Variants in SORCS1 observed in about 807,000 individuals in gnomAD.
The protein encoded by SORCS1 is sortilin related VPS10 domain containing receptor 1, also known as VPS10 domain-containing receptor SorCS1.
SORCS1 carries 60 observed loss-of-function variants against 146.1 expected under a neutral mutation model. That is an observed-to-expected ratio of 0.41 (90% CI 0.33 to 0.51). The LOEUF (loss-of-function observed/expected upper bound fraction) is 0.51, where lower values mean the gene tolerates loss of function less well. Among genes scored for constraint, SORCS1 ranks in the 20% least tolerant of loss-of-function variants. SORCS1 has a pLI of 0.21. For synonymous variants in SORCS1, 637 were observed against 584.0 expected (o/e 1.09, Z -1.31); for missense variants, 1,352 against 1,487.6 (o/e 0.91, Z 1.50).
intron 1 of SORCS1, among the ~76,000 whole-genome samples, chr10:107,055,317 G>A (rs1327413771): frequency 6.6e-6 from 1 of 152,184 alleles, no homozygotes; most frequent in African/African-American, 2.4e-5. Flanking sequence ...AAGAGAAGCA[G>A]AGATCTGGCA....
In SORCS1 at chr10:106,764,118, C is replaced by G. The variant is rs190863538; in HGVS notation, c.886-2457G>C. Among the ~76,000 whole-genome samples the G allele has an allele frequency of 2.6e-3, 390 of 152,228 alleles. 2 individuals are homozygous for G. Among genetic ancestry groups the G allele is most frequent in the African/African-American group, 9.0e-3 (375 of 41,550 alleles). On this transcript the variant is annotated intron_variant, in intron 4 of 25. Coordinates refer to ENST00000263054, the MANE Select transcript of SORCS1 (RefSeq NM_052918.5). ...TAACTAGAGGCGTATACCTAAAAAA[C>G]AAATAAAACACACATCCACAAAACC...
chr10:106,696,535 G>A (rs1589683725), intron 9 of SORCS1, among the ~76,000 whole-genome samples: 1 of 152,144 alleles, frequency 6.6e-6, no homozygotes, highest in East Asian at 1.9e-4. Context: ...CCCAGCCCCA[G>A]GATGCAGAGC....
chr10:106,616,015 C>T (rs771027846), intron 21 of SORCS1, among the ~76,000 whole-genome samples: 2 of 152,154 alleles, frequency 1.3e-5, no homozygotes, highest in Non-Finnish European at 2.9e-5. Context: ...AAACCAAATG[C>T]TTAGAACAGA....
intron 2 of SORCS1, among the ~76,000 whole-genome samples, chr10:106,883,232 A>G (rs762364865): frequency 9.9e-5 from 15 of 152,176 alleles, no homozygotes; most frequent in Non-Finnish European, 1.9e-4. Context: ...ATAGGCCTTC[A>G]AAGTGCTTCT....
At chr10:107,034,463 T>C (rs1438852276) in intron 1 of SORCS1, among the ~76,000 whole-genome samples, 1 of 151,766 alleles carries the variant, frequency 6.6e-6, no homozygotes, top group Non-Finnish European at 1.5e-5. Flanking sequence ...GCAGATCACC[T>C]GAGGCCAGGA....
At chr10:106,634,919 C>A (rs1329984251) in intron 18 of SORCS1, among the ~76,000 whole-genome samples, 1 of 152,152 alleles carries the variant, frequency 6.6e-6, no homozygotes, top group Non-Finnish European at 1.5e-5. Flanking sequence ...TTATAAAATT[C>A]TTCAGATCTA....
intron 1 of SORCS1, among the ~76,000 whole-genome samples, chr10:106,986,496 G>C (rs1042258930): frequency 2.0e-5 from 3 of 147,168 alleles, no homozygotes; most frequent in African/African-American, 7.7e-5. Context: ...TGATTCTTAA[G>C]AATATATATA....
chr10:106,858,192 A>G (rs931764426), intron 2 of SORCS1, among the ~76,000 whole-genome samples: 5 of 152,288 alleles, frequency 3.3e-5, no homozygotes, highest in African/African-American at 1.2e-4. Flanking sequence ...TTCTTTAAAT[A>G]TGTTACTTTT....
chr10:106,921,861 C>A (rs1589710076), intron 2 of SORCS1, among the ~76,000 whole-genome samples: 1 of 152,168 alleles, frequency 6.6e-6, no homozygotes, highest in Non-Finnish European at 1.5e-5. Context: ...TGCTATGTTG[C>A]CTGCATTTCC....
At chr10:106,848,938 T>A (rs1589544086) in intron 2 of SORCS1, among the ~76,000 whole-genome samples, 2 of 150,494 alleles carry the variant, frequency 1.3e-5, no homozygotes, top group South Asian at 4.3e-4. Context: ...GCTTGTAGGG[T>A]TTCTGCCGAG....
At chr10:106,955,549 A>G (rs1434333070) in intron 2 of SORCS1, among the ~76,000 whole-genome samples, 1 of 152,256 alleles carries the variant, frequency 6.6e-6, no homozygotes, top group Non-Finnish European at 1.5e-5. Flanking sequence ...GAGGCACTGA[A>G]AAAATCCTGT....
At chr10:107,038,416 G>A (rs1013900745) in intron 1 of SORCS1, among the ~76,000 whole-genome samples, 2 of 151,496 alleles carry the variant, frequency 1.3e-5, no homozygotes, top group African/African-American at 2.4e-5. Context: ...GGGAGAGACA[G>A]CATTAGGAGA....
intron 1 of SORCS1, among the ~76,000 whole-genome samples, chr10:106,994,389 G>C (rs972174599): frequency 6.6e-6 from 1 of 152,154 alleles, no homozygotes; most frequent in African/African-American, 2.4e-5. Flanking sequence ...TTACTATTCA[G>C]TATGTAATTC....
chr10:106,873,886 G>A (rs1349221172), intron 2 of SORCS1, among the ~76,000 whole-genome samples: 1 of 152,098 alleles, frequency 6.6e-6, no homozygotes, highest in Non-Finnish European at 1.5e-5. Context: ...CAGTGCCAGG[G>A]CTTGTCACAG....
chr10:107,119,099 G>T (rs1188715620), intron 1 of SORCS1, among the ~76,000 whole-genome samples: 1 of 152,172 alleles, frequency 6.6e-6, no homozygotes, highest in Non-Finnish European at 1.5e-5. Context: ...CCAGTGAAAT[G>T]GAAGTGGTGG....
intron 9 of SORCS1, among the ~76,000 whole-genome samples, chr10:106,697,394 T>C (rs1315365187): frequency 6.6e-6 from 1 of 151,608 alleles, no homozygotes; most frequent in African/African-American, 2.4e-5. Context: ...AGGCGGAGAT[T>C]GCAGTGAACC....
At chr10:106,618,412 T>TG in intron 20 of SORCS1, 140 bp from the exon 21 acceptor site, 1 of 1,033,302 alleles carries the variant, frequency 9.7e-7, no homozygotes, top group Non-Finnish European at 1.4e-6. Flanking sequence ...AGTCCCTCTA[T>TG]GCCTCCCTAT....
intron 5 of SORCS1, among the ~76,000 whole-genome samples, chr10:106,756,779 T>C (rs1374171059): frequency 6.6e-6 from 1 of 152,214 alleles, no homozygotes; most frequent in Non-Finnish European, 1.5e-5. Flanking sequence ...TTGAAACTTG[T>C]ATTTGTTTTA....
chr10:106,731,394 C>T (rs1393267659), intron 5 of SORCS1, among the ~76,000 whole-genome samples: 2 of 151,880 alleles, frequency 1.3e-5, no homozygotes, highest in Non-Finnish European at 2.9e-5. Flanking sequence ...CTTTTGCTGC[C>T]TCATCTCCTG....
Sources: allele counts gnomAD v4.1 joint callset (sites outside exome capture counted in the v4.1 genomes callset), GRCh38; gene constraint gnomAD v4.1.1; transcripts MANE v1.5; gene names NCBI Gene and HGNC (gene_info 2026-07-23, HGNC 2026-07-21).